Variants in LAPTM4B observed in about 807,000 individuals in gnomAD.
LAPTM4B encodes the protein lysosomal-associated transmembrane protein 4B.
A neutral mutation model predicts 28.5 loss-of-function variants in LAPTM4B; 26 were observed. The observed-to-expected ratio is 0.91, with a 90% CI of 0.67 to 1.27. LAPTM4B has a LOEUF of 1.27. Among genes scored for constraint, LAPTM4B ranks in the 50% most tolerant of loss-of-function variants. The pLI is 0.00. For synonymous variants in LAPTM4B, 109 were observed against 106.4 expected, an observed-to-expected ratio of 1.02 and a Z score of -0.15; for missense variants, 288 against 285.8, an observed-to-expected ratio of 1.01 and a Z score of -0.06.
chr8:97,805,677 T>TA (rs35626451), intron 2 of LAPTM4B, among the ~76,000 whole-genome samples: 67,528 of 152,064 alleles, frequency 0.44, 15,489 homozygotes, highest in East Asian at 0.57. Context: ...CTTACCCACT[T>TA]AAAAATGATT....
intron 5 of LAPTM4B, among the ~76,000 whole-genome samples, chr8:97,821,404 G>A (rs1171719162): frequency 6.6e-6 from 1 of 152,106 alleles, no homozygotes; most frequent in East Asian, 1.9e-4. Flanking sequence ...GGAGTCAGAG[G>A]AATGAGACAA....
At chr8:97,842,886 T>C (rs1342380727) in intron 6 of LAPTM4B, among the ~76,000 whole-genome samples, 1 of 148,078 alleles carries the variant, frequency 6.8e-6, no homozygotes, top group Non-Finnish European at 1.5e-5. Flanking sequence ...TATAATATCT[T>C]TTTTTTTTTA....
chr8:97,834,860 G>A (rs1484138998), intron 6 of LAPTM4B, among the ~76,000 whole-genome samples: 1 of 152,188 alleles, frequency 6.6e-6, no homozygotes, highest in Non-Finnish European at 1.5e-5. Flanking sequence ...AATGACATCT[G>A]GAGACCATAA....
intron 1 of LAPTM4B, among the ~76,000 whole-genome samples, chr8:97,796,561 G>A (rs529319453): frequency 1.3e-5 from 2 of 151,978 alleles, no homozygotes; most frequent in African/African-American, 4.8e-5. Flanking sequence ...ACAATTTGGG[G>A]GAAAAAAGGA....
chr8:97,775,985 C>G lies in LAPTM4B; in HGVS notation c.-25C>G. On this transcript the variant is annotated 5_prime_UTR_variant, in exon 1 of 7. Coordinates refer to ENST00000521545, the MANE Select transcript of LAPTM4B (RefSeq NM_018407.6). ...CGACGCTCCTGAAAACTTGCGCGCGCGCTCGCGCCACTGCGCCCGGAGCGA... is the reference window on the plus strand; with the variant it reads ...CGACGCTCCTGAAAACTTGCGCGCGGGCTCGCGCCACTGCGCCCGGAGCGA... 6.4e-7 allele frequency: 1 copy of G among 1,557,960 alleles called. No homozygotes were observed. Among genetic ancestry groups the G allele is most frequent in the South Asian group, 1.2e-5 (1 of 85,962 alleles).
intron 4 of LAPTM4B, among the ~76,000 whole-genome samples, chr8:97,817,079 T>C (rs1014422633): frequency 1.3e-5 from 2 of 152,226 alleles, no homozygotes; most frequent in African/African-American, 4.8e-5. Flanking sequence ...TTTGTGACCA[T>C]ATGAGTGAAT....
intron 5 of LAPTM4B, among the ~76,000 whole-genome samples, chr8:97,824,831 T>C (rs1817069066): frequency 1.4e-5 from 2 of 144,878 alleles, no homozygotes; most frequent in African/African-American, 2.5e-5. Context: ...ACCACCCCCA[T>C]ACCCCCATTG....
At chr8:97,848,917 T>G (rs1458644819) in intron 6 of LAPTM4B, among the ~76,000 whole-genome samples, 1 of 152,064 alleles carries the variant, frequency 6.6e-6, no homozygotes, top group Non-Finnish European at 1.5e-5. Context: ...TGCTTTGTTT[T>G]AGAGAATACT....
rs1817218156 is a variant in LAPTM4B at position 97,833,677 on chromosome 8, C to T, written c.603+8524C>T. On this transcript the variant is annotated intron_variant, in intron 6 of 6. Transcript: ENST00000521545. ...TTTGGATCTAGAGGCTTTTTGTGTTCAGATTTGCCTGTTTGTTTTGCAAGA... is the reference window on the plus strand; with the variant it reads ...TTTGGATCTAGAGGCTTTTTGTGTTTAGATTTGCCTGTTTGTTTTGCAAGA... 2.0e-5 allele frequency among the ~76,000 whole-genome samples: 3 copies of T among 152,104 alleles called. No homozygotes were observed. The South Asian group carries it at 6.2e-4, about 32-fold the overall frequency.
chr8:97,810,061 C>T (rs780649783), intron 2 of LAPTM4B, among the ~76,000 whole-genome samples: 4 of 152,120 alleles, frequency 2.6e-5, no homozygotes, highest in Non-Finnish European at 5.9e-5. Flanking sequence ...TCCCAAGTAG[C>T]TGTAACTAGA....
chr8:97,833,672 G>A (rs1045451075), intron 6 of LAPTM4B, among the ~76,000 whole-genome samples: 1 of 152,076 alleles, frequency 6.6e-6, no homozygotes, highest in African/African-American at 2.4e-5. Context: ...GAGGCTTTTT[G>A]TGTTCAGATT....
intron 4 of LAPTM4B, among the ~76,000 whole-genome samples, chr8:97,816,743 T>A (rs1189003129): frequency 6.6e-6 from 1 of 152,174 alleles, no homozygotes; most frequent in Non-Finnish European, 1.5e-5. Flanking sequence ...CTTTTTGCCT[T>A]TGCTAGTGTG....
chr8:97,834,334 G>T (rs1329307022), intron 6 of LAPTM4B, among the ~76,000 whole-genome samples: 1 of 151,980 alleles, frequency 6.6e-6, no homozygotes, highest in Non-Finnish European at 1.5e-5. Context: ...TTAATGTTAT[G>T]TTGAAAAGTA....
chr8:97,804,229 A>T (rs1468543027), intron 1 of LAPTM4B, among the ~76,000 whole-genome samples: 1 of 152,210 alleles, frequency 6.6e-6, no homozygotes, highest in Non-Finnish European at 1.5e-5. Context: ...ACAACAACCC[A>T]GTCTTAGCTG....
chr8:97,836,062 T>C (rs1210899778), intron 6 of LAPTM4B, among the ~76,000 whole-genome samples: 1 of 152,120 alleles, frequency 6.6e-6, no homozygotes, highest in Non-Finnish European at 1.5e-5. Context: ...CCCGAAACCA[T>C]CATCACACAG....
chr8:97,790,005 A>G (rs1816473983), intron 1 of LAPTM4B, among the ~76,000 whole-genome samples: 1 of 152,344 alleles, frequency 6.6e-6, no homozygotes, highest in Non-Finnish European at 1.5e-5. Context: ...TTCACTTTAC[A>G]TAATGACCTC....
chr8:97,790,598 C>G (rs371043769), intron 1 of LAPTM4B, among the ~76,000 whole-genome samples: 1 of 152,010 alleles, frequency 6.6e-6, no homozygotes, highest in African/African-American at 2.4e-5. Context: ...CATGAGCCAC[C>G]GTGCCTGGCC....
chr8:97,823,206 A>T (rs949840505), intron 5 of LAPTM4B, among the ~76,000 whole-genome samples: 2 of 152,170 alleles, frequency 1.3e-5, no homozygotes, highest in African/African-American at 4.8e-5. Context: ...TGAAAGAAGT[A>T]CCTGGGCTTT....
chr8:97,818,870 G>GAAA (rs58053654), intron 4 of LAPTM4B, among the ~76,000 whole-genome samples: 7 of 117,998 alleles, frequency 5.9e-5, no homozygotes, highest in Non-Finnish European at 8.8e-5. Context: ...TCTCAAAAAA[G>GAAA]AAAAAAAAAA....
Sources: allele counts gnomAD v4.1 joint callset (sites outside exome capture counted in the v4.1 genomes callset), GRCh38; gene constraint gnomAD v4.1.1; transcripts MANE v1.5; gene names NCBI Gene and HGNC (gene_info 2026-07-23, HGNC 2026-07-21).